Variants in KIF16B observed in about 807,000 individuals in gnomAD.
The protein encoded by KIF16B is kinesin family member 16B.
Under a neutral mutation model 156.3 loss-of-function variants are expected in KIF16B, and 98 were observed. The observed-to-expected ratio is 0.63, with a 90% CI of 0.53 to 0.74. The LOEUF (loss-of-function observed/expected upper bound fraction) is 0.74. KIF16B is among the 30% of genes least tolerant of loss of function. The pLI is 0.00. For synonymous variants in KIF16B, 564 were observed against 583.7 expected (o/e 0.97, Z 0.49); for missense variants, 1,421 against 1,606.5 (o/e 0.88, Z 1.97).
chr20:16,482,413 A>G (rs192849180), intron 12 of KIF16B, among the ~76,000 whole-genome samples: 163 of 152,242 alleles, frequency 1.1e-3, no homozygotes, highest in African/African-American at 3.5e-3. Flanking sequence ...AACTGTTGCT[A>G]GGTAGGCTGG....
At chr20:16,520,258 C>G (rs1045008493) in intron 3 of KIF16B, among the ~76,000 whole-genome samples, 1 of 152,088 alleles carries the variant, frequency 6.6e-6, no homozygotes, top group Non-Finnish European at 1.5e-5. Context: ...CCACAGAGCA[C>G]AGAAAGCTAA....
chr20:16,497,799 C>T (rs2068496823), intron 10 of KIF16B, 121 bp from the exon 11 acceptor site: 1 of 684,174 alleles, frequency 1.5e-6, no homozygotes, highest in Admixed American at 2.9e-5. Flanking sequence ...AAGCAATGTC[C>T]TACACCCTGC....
intron 1 of KIF16B, among the ~76,000 whole-genome samples, chr20:16,540,728 T>A (rs1016805116): frequency 1.3e-5 from 2 of 150,464 alleles, no homozygotes; most frequent in Admixed American, 1.3e-4. Flanking sequence ...CTCCATGAAT[T>A]AGTTTCTCTG....
chr20:16,569,365 C>A (rs564892096), intron 1 of KIF16B, among the ~76,000 whole-genome samples: 1 of 152,158 alleles, frequency 6.6e-6, no homozygotes, highest in South Asian at 2.1e-4. Context: ...GGAGCTAGGA[C>A]CAGAGAGTCT....
intron 22 of KIF16B, chr20:16,368,958 G>A (rs768727763): frequency 1.4e-5 from 14 of 985,644 alleles, no homozygotes; most frequent in African/African-American, 1.2e-4. Context: ...TGTTACTTTC[G>A]TTAAGAAAAG....
intron 15 of KIF16B, among the ~76,000 whole-genome samples, chr20:16,412,113 A>C (rs2065972659): frequency 6.6e-6 from 1 of 152,080 alleles, no homozygotes; most frequent in East Asian, 1.9e-4. Flanking sequence ...ATAAACTTAC[A>C]GAGGAAACAG....
At chr20:16,459,944 T>C (rs1378706651) in intron 12 of KIF16B, among the ~76,000 whole-genome samples, 1 of 152,188 alleles carries the variant, frequency 6.6e-6, no homozygotes, top group Non-Finnish European at 1.5e-5. Flanking sequence ...GTATGTCTCA[T>C]GTCTCTACTC....
intron 25 of KIF16B, among the ~76,000 whole-genome samples, chr20:16,276,977 C>T (rs1287750692): frequency 2.5e-4 from 38 of 152,294 alleles, no homozygotes; most frequent in Admixed American, 2.5e-3. Context: ...ATGAATTATA[C>T]AACACTTCCA....
intron 12 of KIF16B, among the ~76,000 whole-genome samples, chr20:16,490,296 C>T (rs935456402): frequency 1.3e-5 from 2 of 152,128 alleles, no homozygotes; most frequent in African/African-American, 4.8e-5. Flanking sequence ...GCCTGCAACA[C>T]TTTGGAGGCT....
At chr20:16,280,926 C>A (rs1042473162) in intron 25 of KIF16B, among the ~76,000 whole-genome samples, 1 of 151,774 alleles carries the variant, frequency 6.6e-6, no homozygotes. Flanking sequence ...AGACCTAAGC[C>A]TCCTTATCTG....
intron 24 of KIF16B, among the ~76,000 whole-genome samples, chr20:16,313,561 G>A (rs1458253158): frequency 6.6e-6 from 1 of 152,206 alleles, no homozygotes; most frequent in Non-Finnish European, 1.5e-5. Context: ...CACCCCCAGA[G>A]CTGCACTTGC....
At chr20:16,515,521 C>A in intron 4 of KIF16B, 27 bp downstream of exon 4, 1 of 1,193,356 alleles carries the variant, frequency 8.4e-7, no homozygotes, top group East Asian at 2.3e-5. Context: ...TGAGAAATTT[C>A]CTTCCCACAC....
chr20:16,567,930 C>A (rs575858003), intron 1 of KIF16B, among the ~76,000 whole-genome samples: 3 of 152,158 alleles, frequency 2.0e-5, no homozygotes, highest in Non-Finnish European at 4.4e-5. Context: ...CCAGCCTGGG[C>A]AACAGAGCGA....
At position 16,573,362 on chromosome 20, in the gene KIF16B, C is replaced by T; in HGVS notation, c.-87G>A. 2 of 1,420,892 alleles carry T rather than the reference C, an allele frequency of 1.4e-6. No individual in the cohort carries two copies. Among genetic ancestry groups the T allele is most frequent in the Non-Finnish European group, 1.9e-6 (2 of 1,029,108 alleles). 88.0% of individuals were successfully genotyped at this position (1,420,892 alleles called of 1,614,324 possible). A position where few individuals can be genotyped will look rare whatever the true frequency, so the allele number is the denominator to read the frequency against. On this transcript the variant is annotated 5_prime_UTR_variant, in exon 1 of 26. Transcript: ENST00000354981. ...ACGCTGGCTACTCAGATCGCGGCTC[C>T]CGCCCACTTCCCTCTCGCCCCCGCC...
intron 11 of KIF16B, among the ~76,000 whole-genome samples, chr20:16,494,769 T>C (rs1440140468): frequency 2.0e-5 from 3 of 152,260 alleles, no homozygotes; most frequent in Admixed American, 1.3e-4. Flanking sequence ...CCTTGGATGC[T>C]GTAGTTTTAC....
At chr20:16,572,916 C>G (rs1299839110) in intron 1 of KIF16B, among the ~76,000 whole-genome samples, 1 of 152,122 alleles carries the variant, frequency 6.6e-6, no homozygotes, top group Non-Finnish European at 1.5e-5. Context: ...ACCTTCCCCC[C>G]AACTATTTTA....
intron 17 of KIF16B, among the ~76,000 whole-genome samples, chr20:16,387,799 C>T (rs180744134): frequency 6.6e-6 from 1 of 152,262 alleles, no homozygotes; most frequent in East Asian, 1.9e-4. Flanking sequence ...GGAGGAGGAT[C>T]TAAGAGTCTC....
intron 25 of KIF16B, among the ~76,000 whole-genome samples, chr20:16,280,726 A>AG (rs1359584654): frequency 2.0e-5 from 3 of 152,214 alleles, no homozygotes; most frequent in Non-Finnish European, 2.9e-5. Context: ...TTAATCCCGA[A>AG]GGTTCAAGCC....
intron 25 of KIF16B, among the ~76,000 whole-genome samples, chr20:16,287,229 T>C (rs1275027075): frequency 1.3e-5 from 2 of 152,258 alleles, no homozygotes; most frequent in Non-Finnish European, 2.9e-5. Context: ...TTATAATTTA[T>C]GACTAAACAT....
Sources: gnomAD v4.1 joint callset for allele counts (sites outside exome capture counted in the v4.1 genomes callset) on GRCh38, gnomAD v4.1.1 for gene constraint, MANE v1.5 for transcripts, NCBI Gene and HGNC (gene_info 2026-07-23, HGNC 2026-07-21) for gene names.